Variants in WDHD1 observed in about 807,000 individuals in gnomAD.
WDHD1 encodes the protein WD repeat and HMG-box DNA-binding protein 1.
A neutral mutation model predicts 135.4 loss-of-function variants in WDHD1; 111 were observed. The ratio of observed to expected loss-of-function variants is 0.82; its 90% CI spans 0.70 to 0.96. The LOEUF (loss-of-function observed/expected upper bound fraction) is 0.96, where lower values mean the gene tolerates loss of function less well. Among genes scored for constraint, WDHD1 ranks in the 40% least tolerant of loss-of-function variants. The probability of loss-of-function intolerance (pLI) is 0.00; values close to 1 mark genes in which losing one functional copy is unlikely to be tolerated. For synonymous variants in WDHD1, 434 were observed against 439.0 expected (o/e 0.99, Z 0.14); for missense variants, 1,351 against 1,336.3 (o/e 1.01, Z -0.17).
At chr14:54,950,323 C>A (rs1020844473) in intron 24 of WDHD1, among the ~76,000 whole-genome samples, 6 of 151,898 alleles carry the variant, frequency 4.0e-5, no homozygotes, top group East Asian at 1.9e-4. Flanking sequence ...TGGAAAACAA[C>A]AAAAGGCAGG....
intron 16 of WDHD1, among the ~76,000 whole-genome samples, chr14:54,976,147 AGAAGCATGT>A (rs1276252394): frequency 6.6e-6 from 1 of 152,222 alleles, no homozygotes; most frequent in Non-Finnish European, 1.5e-5. Flanking sequence ...GGCTTTCCAG[AGAAGCATGT>A]GATTTGCTAT....
At chr14:54,955,453 C>G in intron 24 of WDHD1, 108 bp downstream of exon 24, 2 of 1,168,088 alleles carry the variant, frequency 1.7e-6, no homozygotes, top group Non-Finnish European at 2.2e-6. Flanking sequence ...ACTACCAATG[C>G]CAATGTATTA....
Position 54,944,767 on chromosome 14 carries a change from G to A in WDHD1, c.3051-297C>T, listed in dbSNP as rs532463422. On this transcript the variant is annotated intron_variant, in intron 24 of 25. Transcript: ENST00000360586. Reference sequence around the variant, plus strand: ...CCCAAGTAGCTGGGATTACAGGCATGCGCCACCACACCTGGCTAATTTTTT... The same window carrying A: ...CCCAAGTAGCTGGGATTACAGGCATACGCCACCACACCTGGCTAATTTTTT... 7.9e-5 allele frequency among the ~76,000 whole-genome samples: 12 copies of A among 151,994 alleles called. No individual in the cohort carries two copies. In the East Asian group the frequency reaches 2.3e-3, roughly 30 times the overall value.
intron 21 of WDHD1, among the ~76,000 whole-genome samples, chr14:54,960,694 T>A (rs1216380688): frequency 6.6e-6 from 1 of 151,068 alleles, no homozygotes; most frequent in African/African-American, 2.4e-5. Flanking sequence ...TTAGTGGAGA[T>A]GTGGTTTCAC....
chr14:54,989,597 A>G (rs2041751014), intron 12 of WDHD1, among the ~76,000 whole-genome samples: 1 of 152,196 alleles, frequency 6.6e-6, no homozygotes, highest in South Asian at 2.1e-4. Context: ...ATGGATGCAA[A>G]TAACAACAGA....
intron 15 of WDHD1, among the ~76,000 whole-genome samples, chr14:54,982,818 A>G (rs2041639495): frequency 6.6e-6 from 1 of 152,210 alleles, no homozygotes; most frequent in Admixed American, 6.6e-5. Flanking sequence ...TGAATCTCCA[A>G]AAAGAGAAAT....
intron 16 of WDHD1, among the ~76,000 whole-genome samples, chr14:54,967,912 T>C (rs2041371829): frequency 6.6e-6 from 1 of 152,190 alleles, no homozygotes; most frequent in African/African-American, 2.4e-5. Flanking sequence ...TGAGCTACCC[T>C]GCCCAACCTC....
At chr14:54,990,518 C>G (rs1460313790) in intron 12 of WDHD1, among the ~76,000 whole-genome samples, 1 of 151,732 alleles carries the variant, frequency 6.6e-6, no homozygotes, top group African/African-American at 2.4e-5. Context: ...ATGGCGTGAA[C>G]CTGGGAGGCG....
chr14:55,005,123 G>T, intron 7 of WDHD1: 1 of 534,134 alleles, frequency 1.9e-6, no homozygotes, highest in South Asian at 1.4e-5. Context: ...CCTCCCACAG[G>T]AAATGGTGCC....
At chr14:55,003,587 C>CTACATATATATATATATATATA (rs1555371406) in intron 7 of WDHD1, among the ~76,000 whole-genome samples, 36 of 143,756 alleles carry the variant, frequency 2.5e-4, no homozygotes, top group African/African-American at 1.0e-3. Context: ...GAAAAACGAA[C>CTACATATATATATATATATATA]TATATATATA....
Position 54,990,512 on chromosome 14 carries a change from C to T in WDHD1, c.1341+701G>A, listed in dbSNP as rs569959969. 6.6e-5 allele frequency among the ~76,000 whole-genome samples: 10 copies of T among 151,334 alleles called. No homozygotes were observed. The Middle Eastern group carries it at 0.01, about 154-fold the overall frequency. On this transcript the variant is annotated intron_variant, in intron 12 of 25. Coordinates refer to ENST00000360586, the MANE Select transcript of WDHD1 (RefSeq NM_007086.4). ...TCGGGAGGCTGAGGCAGGAGAATGGCGTGAACCTGGGAGGCGGAGCTTGCA... is the reference window on the plus strand; with the variant it reads ...TCGGGAGGCTGAGGCAGGAGAATGGTGTGAACCTGGGAGGCGGAGCTTGCA...
chr14:55,011,327 C>T (rs372732612), intron 3 of WDHD1, among the ~76,000 whole-genome samples: 37 of 151,922 alleles, frequency 2.4e-4, no homozygotes, highest in African/African-American at 6.5e-4. Flanking sequence ...GTCAGGAGTT[C>T]GAGACCAGCC....
chr14:54,949,223 G>A (rs879594343), intron 24 of WDHD1, among the ~76,000 whole-genome samples: 9 of 152,122 alleles, frequency 5.9e-5, no homozygotes, highest in Non-Finnish European at 8.8e-5. Context: ...GAGGAAGTTC[G>A]AACGCATCGC....
At chr14:55,010,540 T>TA (rs1269892984) in intron 3 of WDHD1, 80 bp from the exon 4 acceptor site, 4 of 1,236,824 alleles carry the variant, frequency 3.2e-6, no homozygotes, top group Non-Finnish European at 3.2e-6. Flanking sequence ...AAAAATCCGG[T>TA]AAAAAACAAA....
intron 16 of WDHD1, among the ~76,000 whole-genome samples, chr14:54,977,060 T>C (rs2041536558): frequency 6.6e-6 from 1 of 152,026 alleles, no homozygotes; most frequent in Non-Finnish European, 1.5e-5. Context: ...CCTTTGTTCC[T>C]ATATTTTAAT....
At chr14:54,967,236 C>T (rs758612574) in intron 17 of WDHD1, 44 bp downstream of exon 17, 20 of 1,408,082 alleles carry the variant, frequency 1.4e-5, no homozygotes, top group Non-Finnish European at 2.0e-6. Context: ...ATCACAGGTG[C>T]TGTATTATCA....
chr14:54,950,376 A>C (rs1034081608), intron 24 of WDHD1, among the ~76,000 whole-genome samples: 4 of 152,126 alleles, frequency 2.6e-5, no homozygotes, highest in Admixed American at 2.6e-4. Flanking sequence ...TTAAACCAAC[A>C]AAGATCAAAA....
At chr14:55,010,563 T>G (rs774270841) in intron 3 of WDHD1, 103 bp from the exon 4 acceptor site, 13 of 1,023,654 alleles carry the variant, frequency 1.3e-5, no homozygotes, top group Non-Finnish European at 1.6e-5. Flanking sequence ...ACCTTAAAAA[T>G]CTAGTTCATA....
Position 54,940,080 on chromosome 14 carries a change from A to G in WDHD1, c.*1410T>C, listed in dbSNP as rs1019756346. On this transcript the variant is annotated 3_prime_UTR_variant, in exon 26 of 26. Transcript: ENST00000360586. Reference sequence around the variant, plus strand: ...CCAACAGCATCATCATTATCAGAATAGTAACTAACATTTATATAAAAGATT... The same window carrying G: ...CCAACAGCATCATCATTATCAGAATGGTAACTAACATTTATATAAAAGATT... 6.6e-6 allele frequency: 1 copy of G among 152,230 alleles called. No individual in the cohort carries two copies. Among genetic ancestry groups the G allele is most frequent in the Non-Finnish European group, 1.5e-5 (1 of 68,030 alleles). The allele number at this position is 152,230 out of a possible 1,614,324, so 9.4% of individuals were successfully genotyped here. A position where few individuals can be genotyped will look rare whatever the true frequency, so the allele number is the denominator to read the frequency against.
Sources: gnomAD v4.1 joint callset for allele counts (sites outside exome capture counted in the v4.1 genomes callset) on GRCh38, gnomAD v4.1.1 for gene constraint, MANE v1.5 for transcripts, NCBI Gene and HGNC (gene_info 2026-07-23, HGNC 2026-07-21) for gene names.